The following WDR4 variants were observed in gnomAD, a reference collection of about 807,000 sequenced individuals.
The protein encoded by WDR4 is WDR4 tRNA N7-guanosine methyltransferase non-catalytic subunit.
WDR4 carries 47 observed loss-of-function variants against 48.6 expected under a neutral mutation model. That is an observed-to-expected ratio of 0.97 (90% CI 0.77 to 1.23). The LOEUF (loss-of-function observed/expected upper bound fraction) is 1.23. Among genes scored for constraint, WDR4 ranks in the 50% most tolerant of loss-of-function variants. The pLI is 0.00. For synonymous variants in WDR4, 268 were observed against 230.0 expected (o/e 1.17, Z -1.49); for missense variants, 606 against 551.6 (o/e 1.10, Z -0.99).
chr21:42,892,086 T>C, the WDR4 span, among the ~76,000 whole-genome samples: 2 of 150,532 alleles, frequency 1.3e-5, no homozygotes, highest in Non-Finnish European at 3.0e-5. Context: ...ACCCTGTCTC[T>C]ACTAAAAATT....
At chr21:42,879,111 A>G (rs2058568982) in intron 1 of WDR4, 4 of 1,199,086 alleles carry the variant, frequency 3.3e-6, no homozygotes, top group Non-Finnish European at 4.1e-6. Context: ...CGCCGCGGAG[A>G]CCGGAAGCGA....
chr21:42,859,815 G>A (rs2058076087), intron 5 of WDR4, 93 bp from the exon 6 acceptor site: 1 of 1,290,704 alleles, frequency 7.7e-7, no homozygotes, highest in African/African-American at 1.5e-5. Context: ...CTAAGGAAGA[G>A]AAGCCTCTGC....
chr21:42,868,702 G>C (rs2058304820), intron 3 of WDR4, among the ~76,000 whole-genome samples: 1 of 152,216 alleles, frequency 6.6e-6, no homozygotes, highest in African/African-American at 2.4e-5. Flanking sequence ...GGGCCACAAG[G>C]TGTCCACTCC....
At chr21:42,879,140 G>C (rs1483103098) in intron 1 of WDR4, 4 of 1,251,702 alleles carry the variant, frequency 3.2e-6, no homozygotes, top group East Asian at 3.3e-5. Flanking sequence ...CGCTAACCGG[G>C]CAAGAACACC....
At chr21:42,852,938 C>T (rs2057874406) in intron 9 of WDR4, among the ~76,000 whole-genome samples, 1 of 151,668 alleles carries the variant, frequency 6.6e-6, no homozygotes, top group Admixed American at 6.6e-5. Flanking sequence ...AAAGTGCTTC[C>T]AAAGTGCTCA....
the WDR4 span, among the ~76,000 whole-genome samples, chr21:42,889,062 T>A: frequency 6.8e-6 from 1 of 147,418 alleles, no homozygotes; most frequent in African/African-American, 2.5e-5. Flanking sequence ...AATCTATATA[T>A]ATATAGATTG....
chr21:42,870,000 C>T (rs1182099025), intron 3 of WDR4, among the ~76,000 whole-genome samples: 28 of 138,742 alleles, frequency 2.0e-4, no homozygotes, highest in Non-Finnish European at 3.3e-4. Context: ...GCAACAACAG[C>T]GAAACTCCAT....
intron 2 of WDR4, among the ~76,000 whole-genome samples, chr21:42,874,595 C>T (rs1027246212): frequency 2.1e-4 from 32 of 152,054 alleles, no homozygotes; most frequent in Admixed American, 2.0e-3. Flanking sequence ...AAAGAGAATG[C>T]GCCCCTGAGG....
chr21:42,890,297 G>A, the WDR4 span, among the ~76,000 whole-genome samples: 1 of 152,162 alleles, frequency 6.6e-6, no homozygotes, highest in Non-Finnish European at 1.5e-5. Flanking sequence ...AGCACTTTAG[G>A]AGGCCGAGGT....
chr21:42,873,539 A>C lies in WDR4; in HGVS notation c.296+12T>G, dbSNP rs772499468. ...TTCGACATCTTAAGAATCCAGCGTT[A>C]GCATCTCATACCTGACACTCAGACA... On this transcript the variant is annotated intron_variant, in intron 3 of 10. Coordinates refer to ENST00000398208, the MANE Select transcript of WDR4 (RefSeq NM_018669.6). The C allele has an allele frequency of 5.0e-6, 8 of 1,613,736 alleles. No individual in the cohort carries two copies. The South Asian group carries it at 6.6e-5, about 13-fold the overall frequency.
rs140186844 is a variant in WDR4, at chr21:42,850,197, G to T, written c.1091C>A (p.Thr364Lys). The T allele has an allele frequency of 1.2e-4, 199 of 1,613,632 alleles. No individual in the cohort carries two copies. Among genetic ancestry groups the T allele is most frequent in the Non-Finnish European group, 1.5e-4 (177 of 1,179,890 alleles). ...DASFSSLYKA[T>K]FDNVTSYLKK... ...CAGGTAGGAGGTCACGTTGTCGAAC[G>T]TGGCCTTGTAGAGACTGCTGAAGCT... The change falls in exon 11 of 11, where the codon ACG (threonine) becomes AAG (lysine). Residue 364 changes from threonine to lysine, a missense_variant. Physicochemically the swap from Thr to Lys is moderately conservative, Grantham distance 78 (BLOSUM62 -1). Coordinates refer to ENST00000398208, the MANE Select transcript of WDR4 (RefSeq NM_018669.6).
At chr21:42,852,473 G>A in intron 9 of WDR4, 149 bp from the exon 10 acceptor site, 1 of 820,100 alleles carries the variant, frequency 1.2e-6, no homozygotes, top group South Asian at 1.7e-5. Context: ...TGGAGACCTG[G>A]GGAGGCAGCC....
At chr21:42,869,387 G>A (rs954977564) in intron 3 of WDR4, among the ~76,000 whole-genome samples, 13 of 152,138 alleles carry the variant, frequency 8.5e-5, no homozygotes, top group Admixed American at 5.2e-4. Flanking sequence ...TCTGAGATCC[G>A]TGTACACATC....
chr21:42,849,756 C>T lies in WDR4; in HGVS notation c.*293G>A. On this transcript the variant is annotated 3_prime_UTR_variant, in exon 11 of 11. Coordinates refer to ENST00000398208, the MANE Select transcript of WDR4 (RefSeq NM_018669.6). ...ATGAGAACAGGAGAAACACAGACAGCTGCCGCCACCACCGGCTCACACGCA... is the reference window on the plus strand; with the variant it reads ...ATGAGAACAGGAGAAACACAGACAGTTGCCGCCACCACCGGCTCACACGCA... 5.8e-6 allele frequency: 2 copies of T among 343,480 alleles called. No individual in the cohort carries two copies. The highest frequency in any genetic ancestry group is 4.5e-5 in the South Asian group (1 of 22,366). The allele number at this position is 343,480 out of a possible 1,614,324, so 21.3% of individuals were successfully genotyped here.
At chr21:42,879,101 C>T (rs1002751311) in intron 1 of WDR4, 60 of 1,187,790 alleles carry the variant, frequency 5.1e-5, no homozygotes, top group Non-Finnish European at 6.0e-5. Flanking sequence ...TCCCCGCCGG[C>T]GCCGCGGAGA....
intron 9 of WDR4, among the ~76,000 whole-genome samples, chr21:42,853,305 T>TG (rs1179132322): frequency 6.6e-6 from 1 of 152,064 alleles, no homozygotes; most frequent in African/African-American, 2.4e-5. Context: ...AAGTGTGGTG[T>TG]GGGGGGCCAC....
At chr21:42,852,915 CAA>C (rs56058858) in intron 9 of WDR4, among the ~76,000 whole-genome samples, 8 of 135,344 alleles carry the variant, frequency 5.9e-5, no homozygotes, top group East Asian at 2.3e-4. Flanking sequence ...AACTCCGTCT[CAA>C]AAAAAAAAAA....
At chr21:42,884,646 CAA>C in the WDR4 span, among the ~76,000 whole-genome samples, 1 of 141,522 alleles carries the variant, frequency 7.1e-6, no homozygotes. Context: ...GACTCCACCT[CAA>C]AAAAAAAAAA....
upstream of WDR4, chr21:42,879,895 C>A (rs922548656): frequency 5.0e-6 from 2 of 398,816 alleles, no homozygotes; most frequent in Non-Finnish European, 8.8e-6. Flanking sequence ...GTGAATGAAC[C>A]GGGGGCCGTG....
Sources: allele counts gnomAD v4.1 joint callset (sites outside exome capture counted in the v4.1 genomes callset), GRCh38; gene constraint gnomAD v4.1.1; transcripts MANE v1.5; gene names NCBI Gene and HGNC (gene_info 2026-07-23, HGNC 2026-07-21).